CCDC125: variants seen among roughly 807,000 people sequenced by gnomAD.
CCDC125 encodes the protein coiled-coil domain-containing protein 125.
A neutral mutation model predicts 57.4 loss-of-function variants in CCDC125; 43 were observed. The observed-to-expected ratio is 0.75, with a 90% CI of 0.59 to 0.97. CCDC125 has a LOEUF of 0.97. Ranked by LOEUF, CCDC125 falls within the 50% of genes least tolerant of loss-of-function variation. CCDC125 has a pLI of 0.00. For missense variants in CCDC125, 563 were observed against 595.7 expected, an observed-to-expected ratio of 0.95 and a Z score of 0.57; for synonymous variants, 187 against 195.2, an observed-to-expected ratio of 0.96 and a Z score of 0.35.
chr5:69,329,229 G>A (rs1306628778), intron 1 of CCDC125, among the ~76,000 whole-genome samples: 2 of 151,798 alleles, frequency 1.3e-5, no homozygotes, highest in Non-Finnish European at 2.9e-5. Flanking sequence ...CTGGAGTGCA[G>A]TGACAGCTCA....
At chr5:69,287,051 C>T (rs376019878) in intron 10 of CCDC125, among the ~76,000 whole-genome samples, 2 of 150,298 alleles carry the variant, frequency 1.3e-5, no homozygotes, top group South Asian at 4.2e-4. Context: ...AGAAGTATGC[C>T]TATAAACTAC....
At chr5:69,306,072 T>C (rs774814620) in intron 6 of CCDC125, among the ~76,000 whole-genome samples, 1 of 152,016 alleles carries the variant, frequency 6.6e-6, no homozygotes, top group Non-Finnish European at 1.5e-5. Context: ...ACATTTACCA[T>C]CTTAACCATC....
chr5:69,298,374 T>C (rs1342229888), intron 8 of CCDC125, among the ~76,000 whole-genome samples: 1 of 152,174 alleles, frequency 6.6e-6, no homozygotes, highest in African/African-American at 2.4e-5. Flanking sequence ...TTAAGAGGCT[T>C]TTCAGAGAGG....
At chr5:69,312,672 C>G (rs1758347884) in intron 3 of CCDC125, among the ~76,000 whole-genome samples, 2 of 152,160 alleles carry the variant, frequency 1.3e-5, no homozygotes, top group East Asian at 3.9e-4. Context: ...GAAAGGAGAA[C>G]CGGTGGGCAT....
chr5:69,281,794 C>G lies in CCDC125; in HGVS notation c.*935G>C, dbSNP rs1328414193. The stretch of plus-strand genomic sequence containing the variant: ...TTGCTATATTGTTGATTTAGCCAAG[C>G]TAAGATCCCTATAGTCAATCAAAAT... On this transcript the variant is annotated 3_prime_UTR_variant, in exon 12 of 12. Transcript: ENST00000396496. 1 of 152,040 alleles carries G rather than the reference C, an allele frequency of 6.6e-6. No homozygotes were observed. Among genetic ancestry groups the G allele is most frequent in the African/African-American group, 2.4e-5 (1 of 41,364 alleles). 9.4% of individuals were successfully genotyped at this position (152,040 alleles called of 1,614,324 possible).
chr5:69,309,956 T>A (rs900573792), intron 4 of CCDC125: 11 of 152,262 alleles, frequency 7.2e-5, no homozygotes, highest in African/African-American at 2.7e-4. Flanking sequence ...ATTTTGGATT[T>A]GCATGAGCCC....
At chr5:69,286,301 G>A (rs548677458) in intron 10 of CCDC125, among the ~76,000 whole-genome samples, 2 of 141,238 alleles carry the variant, frequency 1.4e-5, no homozygotes, top group Non-Finnish European at 3.0e-5. Context: ...GCGCAATCTC[G>A]GCTCACTGCA....
chr5:69,303,767 T>C, intron 7 of CCDC125, 80 bp downstream of exon 7: 1 of 797,740 alleles, frequency 1.3e-6, no homozygotes, highest in Non-Finnish European at 2.0e-6. Flanking sequence ...CCCTCTATTA[T>C]ACTTAATGTA....
chr5:69,295,995 T>C (rs1755254453), intron 8 of CCDC125, among the ~76,000 whole-genome samples: 1 of 151,692 alleles, frequency 6.6e-6, no homozygotes, highest in East Asian at 2.0e-4. Context: ...GCCATTGTCC[T>C]GCCTCAGCCT....
chr5:69,277,727 G>T (rs778907425), downstream of CCDC125, among the ~76,000 whole-genome samples: 1 of 150,602 alleles, frequency 6.6e-6, no homozygotes, highest in Non-Finnish European at 1.5e-5. Context: ...CCAAGATGGC[G>T]CCACTGTACT....
intron 10 of CCDC125, among the ~76,000 whole-genome samples, chr5:69,289,157 C>G (rs970314039): frequency 1.6e-4 from 24 of 152,176 alleles, no homozygotes; most frequent in Non-Finnish European, 2.9e-5. Context: ...TTACTTTAAC[C>G]CTGACTTTCC....
In CCDC125 at chr5:69,292,676, G is replaced by T. The variant is rs1341708750; in HGVS notation, c.925-314C>A. 2.0e-5 allele frequency among the ~76,000 whole-genome samples: 3 copies of T among 152,240 alleles called. No homozygotes were observed. The East Asian group carries it at 5.8e-4, about 29-fold the overall frequency. ...CTGGGACAAAGGGCCCAGCATGAAA[G>T]ATAAGAGGATACCAAAGGCTGCATT... is the stretch of plus-strand genomic sequence containing the variant. On this transcript the variant is annotated intron_variant, in intron 9 of 11. Coordinates refer to ENST00000396496, the MANE Select transcript of CCDC125 (RefSeq NM_176816.5).
At chr5:69,273,575 AAAAC>A in the CCDC125 span, among the ~76,000 whole-genome samples, 1 of 152,168 alleles carries the variant, frequency 6.6e-6, no homozygotes, top group Non-Finnish European at 1.5e-5. Context: ...TATTTGAAAT[AAAAC>A]AAAAACTGAA....
chr5:69,293,477 C>T (rs940909926), intron 9 of CCDC125, among the ~76,000 whole-genome samples: 6 of 151,934 alleles, frequency 3.9e-5, no homozygotes, highest in Non-Finnish European at 8.8e-5. Context: ...TAGTGAAACC[C>T]CGTCTCTACT....
intron 10 of CCDC125, among the ~76,000 whole-genome samples, chr5:69,289,794 T>A (rs1360939562): frequency 2.1e-5 from 3 of 145,326 alleles, no homozygotes. Context: ...GCCCATGAGG[T>A]AGAGGCTGCA....
intron 7 of CCDC125, among the ~76,000 whole-genome samples, chr5:69,301,695 A>G (rs1162057177): frequency 1.3e-5 from 2 of 151,392 alleles, no homozygotes; most frequent in African/African-American, 2.4e-5. Flanking sequence ...AGATTGCACC[A>G]TTGCACTCTA....
intron 2 of CCDC125, among the ~76,000 whole-genome samples, chr5:69,316,962 ATACTAT>A (rs1404005124): frequency 6.6e-6 from 1 of 152,182 alleles, no homozygotes; most frequent in African/African-American, 2.4e-5. Flanking sequence ...ATGGGAACTC[ATACTAT>A]TACTATTTAA....
intron 6 of CCDC125, among the ~76,000 whole-genome samples, chr5:69,304,494 C>T (rs975166260): frequency 3.4e-5 from 5 of 147,786 alleles, no homozygotes; most frequent in African/African-American, 1.0e-4. Context: ...CATGTGATCT[C>T]GACTCAGTGC....
chr5:69,283,220 CTT>C (rs1219833408), intron 11 of CCDC125, among the ~76,000 whole-genome samples, 186 bp from the exon 12 acceptor site: 17 of 136,568 alleles, frequency 1.2e-4, no homozygotes, highest in Non-Finnish European at 1.3e-4. Flanking sequence ...ATTCATGAAT[CTT>C]TTTTTTTTTT....
Sources: gnomAD v4.1 joint callset for allele counts (sites outside exome capture counted in the v4.1 genomes callset) on GRCh38, gnomAD v4.1.1 for gene constraint, MANE v1.5 for transcripts, NCBI Gene and HGNC (gene_info 2026-07-23, HGNC 2026-07-21) for gene names.